DPYD: variants seen among roughly 807,000 people sequenced by gnomAD.
The protein encoded by DPYD is dihydropyrimidine dehydrogenase, also known as dihydropyrimidine dehydrogenase [NADP(+)].
A neutral mutation model predicts 116.2 loss-of-function variants in DPYD; 109 were observed. The observed-to-expected ratio is 0.94, with a 90% confidence interval of 0.80 to 1.10. The LOEUF (loss-of-function observed/expected upper bound fraction) is 1.10. DPYD is among the 50% of genes least tolerant of loss of function. The probability of loss-of-function intolerance (pLI) is 0.00; values close to 1 mark genes in which losing one functional copy is unlikely to be tolerated. For missense variants in DPYD, 1,302 were observed against 1,254.5 expected, an observed-to-expected ratio of 1.04 and a Z score of -0.57; for synonymous variants, 440 against 432.0, an observed-to-expected ratio of 1.02 and a Z score of -0.23.
intron 8 of DPYD, among the ~76,000 whole-genome samples, chr1:97,659,784 T>A (rs966714808): frequency 1.3e-5 from 2 of 152,170 alleles, no homozygotes; most frequent in Non-Finnish European, 2.9e-5. Flanking sequence ...TTGCCCTTCA[T>A]CGAGTCATAC....
intron 13 of DPYD, among the ~76,000 whole-genome samples, chr1:97,460,500 G>A (rs944763092): frequency 6.6e-6 from 1 of 152,106 alleles, no homozygotes; most frequent in African/African-American, 2.4e-5. Flanking sequence ...TCAAAAAAAC[G>A]ACACCCTGAA....
intron 2 of DPYD, among the ~76,000 whole-genome samples, chr1:97,859,189 A>G (rs1473741903): frequency 5.9e-5 from 9 of 152,172 alleles, no homozygotes; most frequent in Non-Finnish European, 1.3e-4. Context: ...CTCTTTTTAA[A>G]TATAAAATAT....
chr1:97,554,739 C>G (rs1651568855), intron 11 of DPYD, among the ~76,000 whole-genome samples: 1 of 152,122 alleles, frequency 6.6e-6, no homozygotes, highest in African/African-American at 2.4e-5. Context: ...ATGGCTTGAG[C>G]TTTGTCTTCA....
intron 18 of DPYD, among the ~76,000 whole-genome samples, chr1:97,272,653 T>C (rs1330868700): frequency 6.6e-6 from 1 of 152,144 alleles, no homozygotes; most frequent in African/African-American, 2.4e-5. Context: ...TTACACATCT[T>C]GGCTGTTTAA....
Position 97,323,351 on chromosome 1 carries a change from T to C in DPYD, c.2059-17054A>G, listed in dbSNP as rs1668448240. On this transcript the variant is annotated intron_variant, in intron 16 of 22. Transcript: ENST00000370192. Reference sequence around the variant, plus strand: ...ATATGTACACGTATATATACATGTGTATATGTACACGTATGTATACATGTG... The same window carrying C: ...ATATGTACACGTATATATACATGTGCATATGTACACGTATGTATACATGTG... Among the ~76,000 whole-genome samples, 7 of 132,446 alleles carry C rather than the reference T, an allele frequency of 5.3e-5. 1 individual carries two copies. The allele number at this position is 132,446 out of a possible 152,430, so 86.9% of individuals were successfully genotyped here.
rs976311386 is a variant in DPYD at position 97,441,724 on chromosome 1, G to T, written c.1905+8335C>A. 8.5e-5 allele frequency among the ~76,000 whole-genome samples: 13 copies of T among 152,186 alleles called. No individual in the cohort carries two copies. In the East Asian group the frequency reaches 2.3e-3, roughly 27 times the overall value. On this transcript the variant is annotated intron_variant, in intron 14 of 22. Coordinates refer to ENST00000370192, the MANE Select transcript of DPYD (RefSeq NM_000110.4). Reference sequence around the variant, plus strand: ...GTTTTTCTACTTATTTACATAACAGGTAATTTTTTATTGAATGCTGGATAT... The same window carrying T: ...GTTTTTCTACTTATTTACATAACAGTTAATTTTTTATTGAATGCTGGATAT...
At chr1:97,753,090 CT>C (rs1208502031) in intron 3 of DPYD, among the ~76,000 whole-genome samples, 1 of 151,996 alleles carries the variant, frequency 6.6e-6, no homozygotes, top group African/African-American at 2.4e-5. Flanking sequence ...TTACTATATG[CT>C]AGCACTGTTC....
At chr1:97,405,863 G>A (rs1673629148) in intron 14 of DPYD, among the ~76,000 whole-genome samples, 1 of 152,014 alleles carries the variant, frequency 6.6e-6, no homozygotes, top group Non-Finnish European at 1.5e-5. Context: ...TTGCTCTTTA[G>A]GTCTTGTTAA....
chr1:97,227,480 A>C (rs920585804), intron 19 of DPYD, among the ~76,000 whole-genome samples: 1 of 151,938 alleles, frequency 6.6e-6, no homozygotes, highest in Non-Finnish European at 1.5e-5. Flanking sequence ...TGTGATTACT[A>C]TGCATTGCAT....
At chr1:97,578,869 C>T (rs1316861924) in intron 10 of DPYD, among the ~76,000 whole-genome samples, 1 of 151,948 alleles carries the variant, frequency 6.6e-6, no homozygotes, top group Non-Finnish European at 1.5e-5. Context: ...AATAGAGACA[C>T]CTTGAATCCA....
chr1:97,410,319 T>C (rs966595075), intron 14 of DPYD, among the ~76,000 whole-genome samples: 4 of 152,184 alleles, frequency 2.6e-5, no homozygotes, highest in Admixed American at 2.6e-4. Flanking sequence ...TAACATATCA[T>C]TTGAAAGTCT....
chr1:97,252,373 T>C (rs1663155925), intron 18 of DPYD, among the ~76,000 whole-genome samples: 1 of 152,224 alleles, frequency 6.6e-6, no homozygotes, highest in South Asian at 2.1e-4. Flanking sequence ...AAAGGATATA[T>C]AGTCTGTGTC....
At chr1:97,865,405 T>C (rs1467343957) in intron 2 of DPYD, among the ~76,000 whole-genome samples, 1 of 151,974 alleles carries the variant, frequency 6.6e-6, no homozygotes, top group Non-Finnish European at 1.5e-5. Context: ...TCAAAGAATA[T>C]GGAATGTTAA....
chr1:97,319,349 A>C (rs1291198235), intron 16 of DPYD, among the ~76,000 whole-genome samples: 1 of 144,782 alleles, frequency 6.9e-6, no homozygotes, highest in African/African-American at 2.5e-5. Context: ...ACTAATAAAG[A>C]AAAAAAGAGA....
chr1:97,459,970 G>C (rs1273951942), intron 13 of DPYD, among the ~76,000 whole-genome samples: 1 of 152,104 alleles, frequency 6.6e-6, no homozygotes, highest in Non-Finnish European at 1.5e-5. Flanking sequence ...GTCACCTTTC[G>C]AGGGAGGAGA....
chr1:97,197,269 C>T (rs1658880973), intron 19 of DPYD, among the ~76,000 whole-genome samples: 1 of 152,048 alleles, frequency 6.6e-6, no homozygotes, highest in African/African-American at 2.4e-5. Flanking sequence ...TTATCATTTC[C>T]TCCACAGGGG....
intron 16 of DPYD, among the ~76,000 whole-genome samples, chr1:97,312,109 T>A (rs1271550608): frequency 1.3e-5 from 2 of 151,826 alleles, no homozygotes; most frequent in East Asian, 1.9e-4. Flanking sequence ...AATGCATACA[T>A]ATATGTTTCA....
intron 18 of DPYD, among the ~76,000 whole-genome samples, chr1:97,264,076 T>C (rs577847451): frequency 1.1e-4 from 17 of 149,572 alleles, no homozygotes; most frequent in African/African-American, 2.4e-4. Flanking sequence ...CAGGCTGAAA[T>C]GGAAGAGCCA....
At chr1:97,751,478 A>G (rs1264806802) in intron 3 of DPYD, among the ~76,000 whole-genome samples, 22 of 122,886 alleles carry the variant, frequency 1.8e-4, no homozygotes, top group South Asian at 8.0e-4. Context: ...ATATATATAT[A>G]TATATATATA....
Sources: allele counts gnomAD v4.1 joint callset (sites outside exome capture counted in the v4.1 genomes callset), GRCh38; gene constraint gnomAD v4.1.1; transcripts MANE v1.5; gene names NCBI Gene and HGNC (gene_info 2026-07-23, HGNC 2026-07-21).